Variants in DLGAP2 observed in about 807,000 individuals in gnomAD.
The protein encoded by DLGAP2 is disks large-associated protein 2.
In DLGAP2, 26 loss-of-function variants were observed where a neutral mutation model predicts 100.3. The observed-to-expected ratio is 0.26, with a 90% CI of 0.19 to 0.36. The LOEUF is 0.36. DLGAP2 is among the 10% of genes least tolerant of loss of function. DLGAP2 has a pLI of 1.00. For missense variants in DLGAP2, 1,858 were observed against 1,453.2 expected, an observed-to-expected ratio of 1.28 and a Z score of -4.53; for synonymous variants, 886 against 630.1, an observed-to-expected ratio of 1.41 and a Z score of -6.08.
intron 3 of DLGAP2, among the ~76,000 whole-genome samples, chr8:1,291,360 A>C (rs1485863440): frequency 2.6e-5 from 4 of 152,140 alleles, no homozygotes; most frequent in African/African-American, 9.7e-5. Flanking sequence ...AAGCAGGAGT[A>C]GCTATTTTTC....
Position 827,464 on chromosome 8 carries a change from G to T in DLGAP2, c.19-80448G>T, listed in dbSNP as rs903374441. On this transcript the variant is annotated intron_variant, in intron 1 of 14. Transcript: ENST00000637795. ...ACAACCCACTGAACTTACTCAAACGGTTATTTCAATGATATGATAGTTCAG... is the reference window on the plus strand; with the variant it reads ...ACAACCCACTGAACTTACTCAAACGTTTATTTCAATGATATGATAGTTCAG... Among the ~76,000 whole-genome samples the T allele has an allele frequency of 7.2e-5, 11 of 152,144 alleles. 1 individual carries two copies. Among genetic ancestry groups the T allele is most frequent in the Admixed American group, 6.5e-4 (10 of 15,274 alleles).
chr8:1,416,839 G>A (rs887280740), intron 3 of DLGAP2, among the ~76,000 whole-genome samples: 4 of 152,184 alleles, frequency 2.6e-5, no homozygotes, highest in Non-Finnish European at 5.9e-5. Context: ...TCAGACATTT[G>A]TTGCAAAGCG....
At chr8:1,582,572 T>C (rs1323297449) in intron 6 of DLGAP2, among the ~76,000 whole-genome samples, 1 of 149,580 alleles carries the variant, frequency 6.7e-6, no homozygotes, top group Non-Finnish European at 1.5e-5. Context: ...CTGCAAGAAA[T>C]AGGAAATGAA....
intron 2 of DLGAP2, among the ~76,000 whole-genome samples, chr8:1,209,496 T>C (rs967824939): frequency 6.6e-6 from 1 of 152,236 alleles, no homozygotes; most frequent in Non-Finnish European, 1.5e-5. Context: ...AGCTGTTCTG[T>C]CAATGTTTCT....
intron 1 of DLGAP2, among the ~76,000 whole-genome samples, chr8:782,964 A>G (rs908522902): frequency 3.3e-5 from 5 of 152,214 alleles, no homozygotes; most frequent in Non-Finnish European, 5.9e-5. Flanking sequence ...GGAAAGCTGG[A>G]TTAGGATGGA....
chr8:756,693 C>G (rs950730465), intron 1 of DLGAP2, among the ~76,000 whole-genome samples: 1 of 152,110 alleles, frequency 6.6e-6, no homozygotes, highest in Non-Finnish European at 1.5e-5. Flanking sequence ...GAGGCTGAAC[C>G]TGGAATCCCC....
At chr8:758,002 A>G (rs921991615) in intron 1 of DLGAP2, among the ~76,000 whole-genome samples, 4 of 152,170 alleles carry the variant, frequency 2.6e-5, no homozygotes, top group African/African-American at 7.2e-5. Flanking sequence ...CAGTGAGGAC[A>G]TGGCTGTGCC....
At chr8:948,297 G>C (rs953612857) in intron 2 of DLGAP2, among the ~76,000 whole-genome samples, 7 of 152,222 alleles carry the variant, frequency 4.6e-5, no homozygotes, top group Admixed American at 1.3e-4. Context: ...CACTGGCCTC[G>C]ACCCTGGCTC....
rs1476116173 is a variant in DLGAP2, at chr8:1,668,653, G to A, written c.2135G>A (p.Ser712Asn). 1.3e-6 allele frequency: 2 copies of A among 1,575,292 alleles called. No homozygotes were observed. The highest frequency in any genetic ancestry group is 1.2e-5 in the South Asian group (1 of 85,540). ...TCCAAGGCGGAGGAGCTCCTCAAGAGCCGCTGCTCCTCCATCGGGATTCAG... is the reference window on the plus strand; with the variant it reads ...TCCAAGGCGGAGGAGCTCCTCAAGAACCGCTGCTCCTCCATCGGGATTCAG... ...LVSKAEELLK[S>N]RCSSIGIQDS... The change falls in exon 9 of 15, where the codon AGC becomes AAC. Residue 712 changes from serine to asparagine, a missense_variant. By Grantham distance (46) the Ser-to-Asn change is conservative (BLOSUM62 1). Coordinates refer to ENST00000637795, the MANE Select transcript of DLGAP2 (RefSeq NM_001346810.2).
At chr8:1,700,075 C>A (rs572398611) in intron 14 of DLGAP2, among the ~76,000 whole-genome samples, 17 of 152,270 alleles carry the variant, frequency 1.1e-4, no homozygotes, top group Middle Eastern at 3.4e-3. Context: ...TTGCTTCTGG[C>A]CTAGTCACGT....
At chr8:1,228,903 A>G (rs533085262) in intron 2 of DLGAP2, among the ~76,000 whole-genome samples, 1 of 152,330 alleles carries the variant, frequency 6.6e-6, no homozygotes, top group East Asian at 1.9e-4. Flanking sequence ...ACTTCTATTC[A>G]ACATTGTACT....
Position 1,462,820 on chromosome 8 carries a change from C to G in DLGAP2, c.107-38546C>G, listed in dbSNP as rs550325916. 6.6e-5 allele frequency among the ~76,000 whole-genome samples: 10 copies of G among 152,358 alleles called. No homozygotes were observed. The South Asian group carries it at 1.9e-3, about 28-fold the overall frequency. ...AGATACAGCAGCCCTCAGGCCCCCA[C>G]ACGGCGGCGGCTTCTGATTTCTAGG... is the stretch of plus-strand genomic sequence containing the variant. On this transcript the variant is annotated intron_variant, in intron 3 of 14. Transcript: ENST00000637795.
chr8:1,197,004 T>C (rs1290248375), intron 2 of DLGAP2, among the ~76,000 whole-genome samples: 3 of 152,096 alleles, frequency 2.0e-5, no homozygotes, highest in African/African-American at 7.2e-5. Context: ...TTTGAAGGCC[T>C]GAAAATCGGG....
At chr8:1,475,302 A>T (rs1003829973) in intron 3 of DLGAP2, among the ~76,000 whole-genome samples, 1 of 152,062 alleles carries the variant, frequency 6.6e-6, no homozygotes, top group African/African-American at 2.4e-5. Flanking sequence ...TGTACCCTCA[A>T]TTCTAAAATA....
chr8:1,113,860 A>G (rs192459438), intron 2 of DLGAP2, among the ~76,000 whole-genome samples: 1 of 152,048 alleles, frequency 6.6e-6, no homozygotes, highest in African/African-American at 2.4e-5. Flanking sequence ...TAATATTTTG[A>G]GGTATGTTCC....
rs983910499 is a variant in DLGAP2, at chr8:1,697,172, C to T, written c.2822C>T (p.Thr941Met). ...NMDPSAMPRPTSQDLAGYWDM... is the reference protein window; with the variant it reads ...NMDPSAMPRPMSQDLAGYWDM... Reference sequence around the variant, plus strand: ...GACCCCAGCGCCATGCCGAGGCCGACGTCGCAGGACCTGGCCGGCTACTGG... The same window carrying T: ...GACCCCAGCGCCATGCCGAGGCCGATGTCGCAGGACCTGGCCGGCTACTGG... The change falls in exon 14 of 15, where the codon ACG (threonine) becomes ATG (methionine). Residue 941 changes from threonine (T) to methionine (M), a missense_variant. Thr to Met is a moderately conservative substitution (Grantham distance 81). Coordinates refer to ENST00000637795, the MANE Select transcript of DLGAP2 (RefSeq NM_001346810.2). 3.1e-6 allele frequency: 5 copies of T among 1,601,472 alleles called. No homozygotes were observed. The highest frequency in any genetic ancestry group is 2.2e-5 in the East Asian group (1 of 44,494).
chr8:1,686,470 C>A (rs1320400669), intron 12 of DLGAP2, among the ~76,000 whole-genome samples: 2 of 152,150 alleles, frequency 1.3e-5, no homozygotes, highest in African/African-American at 4.8e-5. Context: ...GAGTTTGAGA[C>A]CAGCCTGGCC....
intron 1 of DLGAP2, among the ~76,000 whole-genome samples, chr8:817,355 G>A (rs533498102): frequency 6.6e-6 from 1 of 152,060 alleles, no homozygotes; most frequent in African/African-American, 2.4e-5. Flanking sequence ...ACTGAAGAAG[G>A]TTTCTTTCAT....
At chr8:1,454,629 A>G (rs551924812) in intron 3 of DLGAP2, among the ~76,000 whole-genome samples, 1 of 152,274 alleles carries the variant, frequency 6.6e-6, no homozygotes, top group South Asian at 2.1e-4. Flanking sequence ...TCCGAGCTCC[A>G]TTCCAGGGGC....
Sources: allele counts gnomAD v4.1 joint callset (sites outside exome capture counted in the v4.1 genomes callset), GRCh38; gene constraint gnomAD v4.1.1; transcripts MANE v1.5; gene names NCBI Gene and HGNC (gene_info 2026-07-23, HGNC 2026-07-21).